EZH2: variants seen among roughly 807,000 people sequenced by gnomAD.
EZH2 encodes histone-lysine N-methyltransferase EZH2.
Under a neutral mutation model 98.4 loss-of-function variants are expected in EZH2, and 18 were observed. The ratio of observed to expected loss-of-function variants is 0.18; its 90% CI spans 0.13 to 0.27. EZH2 has a LOEUF of 0.27. Ranked by LOEUF, EZH2 falls within the 10% of genes least tolerant of loss-of-function variation. The probability of loss-of-function intolerance (pLI) is 1.00; values close to 1 mark genes in which losing one functional copy is unlikely to be tolerated. For missense variants in EZH2, 470 were observed against 935.1 expected (o/e 0.50, Z 6.49); for synonymous variants, 338 against 312.3 (o/e 1.08, Z -0.87).
At chr7:148,855,336 T>C (rs1816638110) in intron 1 of EZH2, among the ~76,000 whole-genome samples, 1 of 152,232 alleles carries the variant, frequency 6.6e-6, no homozygotes, top group African/African-American at 2.4e-5. Flanking sequence ...GAAGAGTTAG[T>C]TGTATTAATT....
At chr7:148,845,225 T>C (rs1049788366) in intron 3 of EZH2, among the ~76,000 whole-genome samples, 15 of 152,110 alleles carry the variant, frequency 9.9e-5, no homozygotes, top group South Asian at 2.1e-4. Flanking sequence ...TTCTAAAAGG[T>C]CACCAAATAA....
chr7:148,847,042 CT>C (rs1471833355), intron 2 of EZH2, 139 bp downstream of exon 2: 1 of 984,828 alleles, frequency 1.0e-6, no homozygotes, highest in Admixed American at 3.0e-5. Flanking sequence ...GATCAAGAAC[CT>C]AAGCTTCCAA....
chr7:148,826,254 A>T (rs1380557424), intron 8 of EZH2, among the ~76,000 whole-genome samples, 200 bp downstream of exon 8: 1 of 152,184 alleles, frequency 6.6e-6, no homozygotes, highest in Non-Finnish European at 1.5e-5. Flanking sequence ...AGTGGAAAAT[A>T]GTAGTCCAAA....
intron 3 of EZH2, chr7:148,837,027 C>T (rs1345468143): frequency 2.0e-6 from 1 of 489,054 alleles, no homozygotes; most frequent in Non-Finnish European, 4.1e-6. Flanking sequence ...GAAATTAACA[C>T]ACCCTACTAT....
intron 6 of EZH2, 132 bp from the exon 7 acceptor site, chr7:148,827,398 T>C (rs1055220215): frequency 6.0e-5 from 39 of 654,726 alleles, no homozygotes; most frequent in Middle Eastern, 4.2e-4. Context: ...TGTGTTTTAC[T>C]TACTTCTCAC....
chr7:148,816,631 C>CA, intron 12 of EZH2, 53 bp downstream of exon 12: 1 of 1,372,942 alleles, frequency 7.3e-7, no homozygotes, highest in Non-Finnish European at 1.0e-6. Context: ...AAGGGCCTTG[C>CA]CTGCAGTGTC....
intron 1 of EZH2, among the ~76,000 whole-genome samples, chr7:148,883,681 G>A (rs1486565357): frequency 6.6e-6 from 1 of 150,600 alleles, no homozygotes; most frequent in South Asian, 2.1e-4. Flanking sequence ...CGAGCCCTCC[G>A]GAGACACAGT....
chr7:148,824,366 CAT>C (rs1449476203), intron 8 of EZH2, among the ~76,000 whole-genome samples: 2 of 150,408 alleles, frequency 1.3e-5, no homozygotes, highest in Non-Finnish European at 3.0e-5. Context: ...TCATGTGCTG[CAT>C]ACCATCTGAG....
At chr7:148,834,352 T>TATATATATATACACACAC (rs1321608007) in intron 3 of EZH2, among the ~76,000 whole-genome samples, 7 of 143,318 alleles carry the variant, frequency 4.9e-5, no homozygotes, top group African/African-American at 1.8e-4. Flanking sequence ...TATATATATA[T>TATATATATATACACACAC]ACACACACAC....
intron 1 of EZH2, among the ~76,000 whole-genome samples, chr7:148,856,867 A>G (rs1816905698): frequency 1.3e-5 from 2 of 152,264 alleles, no homozygotes; most frequent in African/African-American, 4.8e-5. Flanking sequence ...AAGAATTCCA[A>G]CTGATACATG....
chr7:148,854,252 C>A (rs575190284), intron 1 of EZH2, among the ~76,000 whole-genome samples: 28 of 152,168 alleles, frequency 1.8e-4, no homozygotes, highest in African/African-American at 5.8e-4. Context: ...GAGACTAACA[C>A]AGTGAAACCC....
At position 148,807,606 on chromosome 7, in the gene EZH2, A is replaced by T; in HGVS notation, c.*40T>A. ...ACAGTACTCGAGGTTCCTGAAGCTA[A>T]GGCAGCTGTTTCAGAGGAGGGGGGA... On this transcript the variant is annotated 3_prime_UTR_variant, in exon 20 of 20. Coordinates refer to ENST00000320356, the MANE Select transcript of EZH2 (RefSeq NM_004456.5). 6.7e-7 allele frequency: 1 copy of T among 1,499,624 alleles called. No homozygotes were observed. Among genetic ancestry groups the T allele is most frequent in the East Asian group, 2.4e-5 (1 of 42,464 alleles). 92.9% of individuals were successfully genotyped at this position (1,499,624 alleles called of 1,614,324 possible).
At chr7:148,847,150 T>C (rs2129485344) in intron 2 of EZH2, 32 bp downstream of exon 2, 1 of 1,590,534 alleles carries the variant, frequency 6.3e-7, no homozygotes, top group African/African-American at 1.4e-5. Context: ...TCCTTAATTG[T>C]ATATTCATTT....
chr7:148,848,919 C>A (rs1814923404), intron 1 of EZH2, among the ~76,000 whole-genome samples: 1 of 152,006 alleles, frequency 6.6e-6, no homozygotes. Context: ...CATAGCCTCC[C>A]ATATACTTTT....
intron 2 of EZH2, among the ~76,000 whole-genome samples, chr7:148,846,838 C>CTCTG (rs1554408926): frequency 7.4e-6 from 1 of 135,124 alleles, no homozygotes; most frequent in African/African-American, 2.7e-5. Flanking sequence ...TCTTTGTTGA[C>CTCTG]TGTGTGTGTG....
At chr7:148,857,520 G>C (rs543758475) in intron 1 of EZH2, among the ~76,000 whole-genome samples, 1 of 152,336 alleles carries the variant, frequency 6.6e-6, no homozygotes, top group East Asian at 1.9e-4. Flanking sequence ...GGGAGGCTGA[G>C]GCAGGCGGAT....
intron 19 of EZH2, among the ~76,000 whole-genome samples, chr7:148,808,073 G>A (rs1801990808): frequency 6.6e-6 from 1 of 152,186 alleles, no homozygotes; most frequent in African/African-American, 2.4e-5. Context: ...TAGAACCATG[G>A]TCTGGAAAAA....
At chr7:148,877,665 A>T (rs528804659) in intron 1 of EZH2, among the ~76,000 whole-genome samples, 2 of 152,288 alleles carry the variant, frequency 1.3e-5, no homozygotes, top group African/African-American at 4.8e-5. Flanking sequence ...CAAAGACCAC[A>T]TCCTTAGAAC....
intron 8 of EZH2, among the ~76,000 whole-genome samples, chr7:148,825,529 G>A (rs1807442994): frequency 1.3e-5 from 2 of 152,142 alleles, no homozygotes; most frequent in Non-Finnish European, 2.9e-5. Flanking sequence ...AAAACAAGTA[G>A]AGCAAACACT....
Sources: gnomAD v4.1 joint callset for allele counts (sites outside exome capture counted in the v4.1 genomes callset) on GRCh38, gnomAD v4.1.1 for gene constraint, MANE v1.5 for transcripts, NCBI Gene and HGNC (gene_info 2026-07-23, HGNC 2026-07-21) for gene names.